Variants in FRMD4A observed in about 807,000 individuals in gnomAD.
FRMD4A encodes the protein FERM domain-containing protein 4A.
In FRMD4A, 29 loss-of-function variants were observed where a neutral mutation model predicts 129.1. The observed-to-expected ratio is 0.22, with a 90% CI of 0.17 to 0.31. The LOEUF (loss-of-function observed/expected upper bound fraction) is 0.31, where lower values mean the gene tolerates loss of function less well. Among genes scored for constraint, FRMD4A ranks in the 10% least tolerant of loss-of-function variants. FRMD4A has a pLI of 1.00. For synonymous variants in FRMD4A, 634 were observed against 571.6 expected (o/e 1.11, Z -1.56); for missense variants, 1,272 against 1,375.8 (o/e 0.92, Z 1.19).
At chr10:14,131,061 C>G (rs10906610) in intron 2 of FRMD4A, among the ~76,000 whole-genome samples, 50,912 of 152,018 alleles carry the variant, frequency 0.33, 8,698 homozygotes, top group East Asian at 0.51. Context: ...GTGTGGAATT[C>G]CCAGGTAACA....
intron 12 of FRMD4A, among the ~76,000 whole-genome samples, chr10:13,719,867 C>G (rs373237345): frequency 6.6e-6 from 1 of 152,194 alleles, no homozygotes; most frequent in African/African-American, 2.4e-5. Flanking sequence ...ATCCTCATTA[C>G]TCTGTGTTCT....
intron 2 of FRMD4A, among the ~76,000 whole-genome samples, chr10:14,157,288 C>T (rs1188950844): frequency 6.6e-6 from 1 of 152,180 alleles, no homozygotes; most frequent in African/African-American, 2.4e-5. Context: ...CTAGTGGACC[C>T]CATGACCTAC....
chr10:13,756,040 T>A (rs963283551), intron 8 of FRMD4A: 10 of 152,272 alleles, frequency 6.6e-5, no homozygotes, highest in Non-Finnish European at 1.5e-4. Flanking sequence ...TTCCAGGTGC[T>A]GTTTGCTTTC....
intron 24 of FRMD4A, among the ~76,000 whole-genome samples, chr10:13,649,943 C>G (rs1026580729): frequency 1.1e-4 from 17 of 152,218 alleles, no homozygotes; most frequent in African/African-American, 4.1e-4. Flanking sequence ...TGTGCTCTCT[C>G]AACTGTGACC....
intron 2 of FRMD4A, among the ~76,000 whole-genome samples, chr10:14,009,815 G>GC (rs148957669): frequency 3.9e-5 from 1 of 25,682 alleles, no homozygotes; most frequent in Non-Finnish European, 2.4e-4. Flanking sequence ...TGAGAGAGAC[G>GC]GGGAGACGGA....
intron 2 of FRMD4A, among the ~76,000 whole-genome samples, chr10:14,244,808 T>C (rs977050052): frequency 4.6e-5 from 7 of 152,220 alleles, no homozygotes; most frequent in African/African-American, 1.7e-4. Flanking sequence ...AAACCTGTGC[T>C]CTTTCCGCAG....
chr10:13,669,690 G>A (rs902027760), intron 17 of FRMD4A, among the ~76,000 whole-genome samples: 2 of 152,226 alleles, frequency 1.3e-5, no homozygotes, highest in Admixed American at 1.3e-4. Context: ...CAGGAGCCCT[G>A]GGCCTGAGGG....
chr10:13,706,550 A>C lies in FRMD4A; in HGVS notation c.836+487T>G, dbSNP rs1450359550. Reference sequence around the variant, plus strand: ...CTAAAATTACAGCTCCTGGAATAAAACAACGTAGCACAACTGCTTTGGTGA... The same window carrying C: ...CTAAAATTACAGCTCCTGGAATAAACCAACGTAGCACAACTGCTTTGGTGA... On this transcript the variant is annotated intron_variant, in intron 13 of 24. Coordinates refer to ENST00000357447, the MANE Select transcript of FRMD4A (RefSeq NM_018027.5). Among the ~76,000 whole-genome samples the C allele has an allele frequency of 2.6e-5, 4 of 152,198 alleles. No individual in the cohort carries two copies. In the East Asian group the frequency reaches 7.7e-4, roughly 29 times the overall value.
intron 15 of FRMD4A, among the ~76,000 whole-genome samples, chr10:13,682,699 A>T (rs1175877120): frequency 1.3e-5 from 2 of 151,772 alleles, no homozygotes; most frequent in Non-Finnish European, 2.9e-5. Flanking sequence ...TGGGGTTAGT[A>T]GAGATATAGT....
At chr10:14,103,721 AG>A (rs1837430676) in intron 2 of FRMD4A, among the ~76,000 whole-genome samples, 1 of 152,186 alleles carries the variant, frequency 6.6e-6, no homozygotes. Context: ...GCACACTCTA[AG>A]GGGCACCTTA....
chr10:13,786,294 A>G (rs923101193), intron 5 of FRMD4A, among the ~76,000 whole-genome samples: 7 of 152,140 alleles, frequency 4.6e-5, no homozygotes, highest in African/African-American at 1.7e-4. Flanking sequence ...TTGTTTCCTG[A>G]CTTTTTAATG....
intron 2 of FRMD4A, among the ~76,000 whole-genome samples, chr10:13,880,927 G>A (rs113820380): frequency 0.013 from 1,962 of 151,980 alleles, 49 homozygotes; most frequent in African/African-American, 0.045. Context: ...CTTCCTCTTC[G>A]AATGCAAGCT....
intron 2 of FRMD4A, among the ~76,000 whole-genome samples, chr10:14,213,736 C>T (rs893114404): frequency 2.0e-5 from 3 of 152,184 alleles, no homozygotes; most frequent in African/African-American, 7.2e-5. Context: ...TTGGCTGTGT[C>T]CCCACCCAAA....
At chr10:13,774,002 G>A (rs1302855057) in intron 6 of FRMD4A, among the ~76,000 whole-genome samples, 1 of 152,190 alleles carries the variant, frequency 6.6e-6, no homozygotes, top group African/African-American at 2.4e-5. Flanking sequence ...GTTTCCCATG[G>A]GACGGGACTC....
chr10:14,243,830 T>TAAAA lies in FRMD4A; in HGVS notation c.45+86227_45+86228insTTTT, dbSNP rs148913321. Among the ~76,000 whole-genome samples the TAAAA allele has an allele frequency of 4.9e-5, 7 of 142,742 alleles. No homozygotes were observed. In the South Asian group the frequency reaches 1.3e-3, roughly 27 times the overall value. The allele number at this position is 142,742 out of a possible 152,430, so 93.6% of individuals were successfully genotyped here. A position where few individuals can be genotyped will look rare whatever the true frequency, so the allele number is the denominator to read the frequency against. Reference sequence around the variant, plus strand: ...CTTTGTTATGTATATATTACCACAATTAAAAAAAAAAAAAGGAGTAGTCAG... The same window carrying TAAAA: ...CTTTGTTATGTATATATTACCACAATAAAATAAAAAAAAAAAAAGGAGTAGTCAG... On this transcript the variant is annotated intron_variant, in intron 2 of 24. Transcript: ENST00000357447.
At chr10:13,848,211 TG>T (rs1441047464) in intron 3 of FRMD4A, among the ~76,000 whole-genome samples, 1 of 152,116 alleles carries the variant, frequency 6.6e-6, no homozygotes, top group African/African-American at 2.4e-5. Flanking sequence ...AGAGAGGACA[TG>T]GAAAGGATTT....
rs17153793 is a variant in FRMD4A at position 13,719,244 on chromosome 10, A to G, written c.760-12131T>C. 0.012 allele frequency among the ~76,000 whole-genome samples: 1,754 copies of G among 152,308 alleles called. 70 individuals carry two copies. The South Asian group carries it at 0.12, about 10-fold the overall frequency. ...AGTTAGAGTCAGCTCAAGGAGGGACAATGGTAAGAGCCACAGCCGAGGAGC... is the reference window on the plus strand; with the variant it reads ...AGTTAGAGTCAGCTCAAGGAGGGACGATGGTAAGAGCCACAGCCGAGGAGC... On this transcript the variant is annotated intron_variant, in intron 12 of 24. Transcript: ENST00000357447.
chr10:14,282,681 TC>T (rs1434912660), intron 2 of FRMD4A, among the ~76,000 whole-genome samples: 1 of 152,112 alleles, frequency 6.6e-6, no homozygotes, highest in African/African-American at 2.4e-5. Context: ...AACTGAGAAA[TC>T]AATGGAGCTT....
At chr10:14,189,547 C>G (rs1225505569) in intron 2 of FRMD4A, among the ~76,000 whole-genome samples, 2 of 151,920 alleles carry the variant, frequency 1.3e-5, no homozygotes, top group African/African-American at 4.8e-5. Context: ...GCACTCCAGC[C>G]TGGGCAACAA....
Sources: allele counts gnomAD v4.1 joint callset (sites outside exome capture counted in the v4.1 genomes callset), GRCh38; gene constraint gnomAD v4.1.1; transcripts MANE v1.5; gene names NCBI Gene and HGNC (gene_info 2026-07-23, HGNC 2026-07-21).